Variants in CERS6 observed in about 807,000 individuals in gnomAD.
CERS6 encodes the protein ceramide synthase 6, also known as LAG1 homolog, ceramide synthase 6.
A neutral mutation model predicts 56.8 loss-of-function variants in CERS6; 26 were observed. The ratio of observed to expected loss-of-function variants is 0.46; its 90% CI spans 0.34 to 0.63. CERS6 has a LOEUF of 0.63. Among genes scored for constraint, CERS6 ranks in the 30% least tolerant of loss-of-function variants. The pLI, the probability that CERS6 is intolerant of heterozygous loss-of-function variation, is 0.01. For missense variants in CERS6, 415 were observed against 467.5 expected (o/e 0.89, Z 1.04); for synonymous variants, 164 against 173.3 (o/e 0.95, Z 0.42).
Position 168,769,643 on chromosome 2 carries a change from C to A in CERS6, c.1136C>A (p.Ser379Tyr). The A allele has an allele frequency of 1.2e-6, 2 of 1,610,516 alleles. No individual in the cohort carries two copies. Among genetic ancestry groups the A allele is most frequent in the Non-Finnish European group, 1.7e-6 (2 of 1,178,896 alleles). Residue 379 changes from serine to tyrosine, a missense_variant, in exon 10 of 10, where the codon TCC (serine) becomes TAC (tyrosine). By Grantham distance (144) the Ser-to-Tyr change is moderately radical (BLOSUM62 -2). Transcript: ENST00000305747. ...ACCAACGGGTATCTCCTGACTGGCT[C>A]CTGCTCCATGGATGATTAATTACTC... Reference protein sequence around the residue: ...SGTNGYLLTGSCSMDD With the variant: ...SGTNGYLLTGYCSMDD
intron 3 of CERS6, among the ~76,000 whole-genome samples, chr2:168,569,993 C>T (rs1466580857): frequency 6.6e-6 from 1 of 152,106 alleles, no homozygotes; most frequent in Non-Finnish European, 1.5e-5. Flanking sequence ...TTTGGGGTAT[C>T]AGGAGCAGCA....
At chr2:168,654,916 ATC>A (rs567599527) in intron 4 of CERS6, among the ~76,000 whole-genome samples, 1 of 152,210 alleles carries the variant, frequency 6.6e-6, no homozygotes, top group Non-Finnish European at 1.5e-5. Flanking sequence ...TTCTTTATAC[ATC>A]TCATGTACAA....
chr2:168,510,049 C>A, intron 1 of CERS6, among the ~76,000 whole-genome samples: 1 of 149,288 alleles, frequency 6.7e-6, no homozygotes, highest in Non-Finnish European at 1.5e-5. Flanking sequence ...TTTTAAAAAT[C>A]AGTAGTATAT....
intron 6 of CERS6, among the ~76,000 whole-genome samples, chr2:168,711,678 G>A (rs907819246): frequency 6.8e-6 from 1 of 147,280 alleles, no homozygotes; most frequent in East Asian, 2.0e-4. Flanking sequence ...AGGTTGCAGT[G>A]AGCTGAGATC....
chr2:168,580,607 TTTTTTG>T (rs1259630238), intron 3 of CERS6, among the ~76,000 whole-genome samples: 4 of 152,184 alleles, frequency 2.6e-5, no homozygotes, highest in Admixed American at 2.6e-4. Context: ...ATTTACCACT[TTTTTTG>T]TTTTTAATTC....
chr2:168,609,053 G>A (rs1206933219), intron 3 of CERS6, among the ~76,000 whole-genome samples: 1 of 152,186 alleles, frequency 6.6e-6, no homozygotes, highest in Non-Finnish European at 1.5e-5. Flanking sequence ...AGGTTTACCT[G>A]CTGCCTGTAT....
chr2:168,724,057 G>A (rs763110104), intron 8 of CERS6, among the ~76,000 whole-genome samples: 8 of 152,160 alleles, frequency 5.3e-5, no homozygotes, highest in Non-Finnish European at 8.8e-5. Flanking sequence ...GAATGAAGCC[G>A]CGGACCCTTG....
At chr2:168,758,842 C>T (rs1684486219) in intron 8 of CERS6, among the ~76,000 whole-genome samples, 1 of 152,036 alleles carries the variant, frequency 6.6e-6, no homozygotes, top group African/African-American at 2.4e-5. Flanking sequence ...GACTGCAGTC[C>T]TCAGGTTGCA....
rs112592701 is a variant in CERS6 at position 168,563,512 on chromosome 2, A to G, written c.407+2190A>G. 5.0e-3 allele frequency among the ~76,000 whole-genome samples: 755 copies of G among 152,304 alleles called. 8 individuals carry two copies. The highest frequency in any genetic ancestry group is 0.016 in the African/African-American group (673 of 41,570). On this transcript the variant is annotated intron_variant, in intron 3 of 9. Coordinates refer to ENST00000305747, the MANE Select transcript of CERS6 (RefSeq NM_203463.3). ...GATAGATATTAGAAAATAACCAGAT[A>G]TGGGGCCAGGTGCAGTGGCTCACGC...
chr2:168,578,239 C>T (rs1206500527), intron 3 of CERS6, among the ~76,000 whole-genome samples: 1 of 151,734 alleles, frequency 6.6e-6, no homozygotes, highest in Non-Finnish European at 1.5e-5. Flanking sequence ...TCTTATGTCC[C>T]TCAGTCAGTC....
At chr2:168,669,229 G>T (rs141721725) in intron 4 of CERS6, among the ~76,000 whole-genome samples, 1 of 152,334 alleles carries the variant, frequency 6.6e-6, no homozygotes, top group Non-Finnish European at 1.5e-5. Flanking sequence ...CCTGGTGCAA[G>T]ATGGCTGCTG....
At chr2:168,678,433 C>T (rs1646634348) in intron 4 of CERS6, among the ~76,000 whole-genome samples, 1 of 152,152 alleles carries the variant, frequency 6.6e-6, no homozygotes, top group Admixed American at 6.5e-5. Context: ...GTCAGACTTC[C>T]AGCTGAAAAA....
intron 1 of CERS6, among the ~76,000 whole-genome samples, chr2:168,532,960 T>TTA (rs1474164369): frequency 2.0e-5 from 3 of 152,212 alleles, no homozygotes; most frequent in African/African-American, 7.2e-5. Context: ...AGCATTTAAG[T>TTA]TATTTACCTT....
intron 8 of CERS6, among the ~76,000 whole-genome samples, chr2:168,760,738 G>GTTTATTTATTTA (rs80269147): frequency 9.1e-4 from 118 of 129,336 alleles, no homozygotes; most frequent in Middle Eastern, 3.5e-3. Context: ...TTTACTGTTT[G>GTTTATTTATTTA]TTTATTTATT....
intron 1 of CERS6, among the ~76,000 whole-genome samples, chr2:168,544,443 G>C (rs1434143042): frequency 6.6e-6 from 1 of 152,306 alleles, no homozygotes; most frequent in Admixed American, 6.5e-5. Context: ...TGTGCACAGG[G>C]CTCTGGAGAT....
chr2:168,622,175 T>G (rs1056181632), intron 3 of CERS6, among the ~76,000 whole-genome samples: 2 of 152,218 alleles, frequency 1.3e-5, no homozygotes, highest in African/African-American at 2.4e-5. Flanking sequence ...GTCCAATCTT[T>G]TGGCTTCCCT....
chr2:168,757,352 T>A (rs184625225), intron 8 of CERS6, among the ~76,000 whole-genome samples: 20 of 146,216 alleles, frequency 1.4e-4, no homozygotes, highest in Non-Finnish European at 6.0e-5. Flanking sequence ...CAACTACTTT[T>A]GGAGGAAAAA....
intron 3 of CERS6, among the ~76,000 whole-genome samples, chr2:168,614,912 A>T (rs761356601): frequency 1.5e-4 from 23 of 152,096 alleles, no homozygotes; most frequent in Admixed American, 6.6e-5. Flanking sequence ...TAGGAGGCCA[A>T]TCAGCACAAA....
At chr2:168,602,304 A>G (rs1367287287) in intron 3 of CERS6, among the ~76,000 whole-genome samples, 2 of 152,272 alleles carry the variant, frequency 1.3e-5, no homozygotes, top group East Asian at 1.9e-4. Flanking sequence ...TCTGAGTGCA[A>G]CTAAGATAAA....
Sources: gnomAD v4.1 joint callset for allele counts (sites outside exome capture counted in the v4.1 genomes callset) on GRCh38, gnomAD v4.1.1 for gene constraint, MANE v1.5 for transcripts, NCBI Gene and HGNC (gene_info 2026-07-23, HGNC 2026-07-21) for gene names.